The following MYBL2 variants were observed in gnomAD, a reference collection of about 807,000 sequenced individuals.
The protein encoded by MYBL2 is MYB proto-oncogene like 2.
A neutral mutation model predicts 79.9 loss-of-function variants in MYBL2; 28 were observed. That is an observed-to-expected ratio of 0.35 (90% CI 0.26 to 0.48). MYBL2 has a LOEUF of 0.48. Among genes scored for constraint, MYBL2 ranks in the 20% least tolerant of loss-of-function variants. MYBL2 has a pLI of 0.99. For synonymous variants in MYBL2, 378 were observed against 361.2 expected, an observed-to-expected ratio of 1.05 and a Z score of -0.53; for missense variants, 735 against 893.9, an observed-to-expected ratio of 0.82 and a Z score of 2.27.
intron 8 of MYBL2, 66 bp from the exon 9 acceptor site, chr20:43,705,153 C>T: frequency 6.3e-7 from 1 of 1,575,240 alleles, no homozygotes. Flanking sequence ...CCCATGATCC[C>T]CTGAGGTCTC....
In MYBL2 at chr20:43,699,838, A is replaced by G. The variant is rs1481379453; in HGVS notation, c.745A>G (p.Thr249Ala). 2 of 1,614,052 alleles carry G rather than the reference A, an allele frequency of 1.2e-6. No individual in the cohort carries two copies. Among genetic ancestry groups the G allele is most frequent in the Non-Finnish European group, 1.7e-6 (2 of 1,180,030 alleles). Residue 249 changes from threonine to alanine, a missense_variant, in exon 7 of 14, where the codon ACC becomes GCC. Transcript: ENST00000217026. Reference protein sequence around the residue: ...ENSEEELAAATTSKEQEPIGT... With the variant: ...ENSEEELAAAATSKEQEPIGT... ...CAGTGAGGAGGAACTTGCAGCAGCC[A>G]CCACATCGAAGGAACAGGAGCCCAT... is the stretch of plus-strand genomic sequence containing the variant.
In MYBL2 at chr20:43,673,791, C is replaced by T; in HGVS notation, c.21-15C>T. 6.4e-7 allele frequency: 1 copy of T among 1,571,986 alleles called. No individual in the cohort carries two copies. Among genetic ancestry groups the T allele is most frequent in the Non-Finnish European group, 8.6e-7 (1 of 1,157,436 alleles). On this transcript the variant is annotated splice_polypyrimidine_tract_variant and intron_variant, in intron 1 of 13. Transcript: ENST00000217026. Reference sequence around the variant, plus strand: ...GGACACACCATCCTTGACCCTTGGCCTGCTTTCCCCATAGCGAGGATCTGG... The same window carrying T: ...GGACACACCATCCTTGACCCTTGGCTTGCTTTCCCCATAGCGAGGATCTGG...
chr20:43,679,579 G>A (rs909679810), intron 2 of MYBL2, among the ~76,000 whole-genome samples: 11 of 152,082 alleles, frequency 7.2e-5, no homozygotes, highest in African/African-American at 2.7e-4. Flanking sequence ...GACCAGCTTG[G>A]AAAACATAGC....
At chr20:43,673,039 G>C (rs1600540710) in intron 1 of MYBL2, among the ~76,000 whole-genome samples, 1 of 152,044 alleles carries the variant, frequency 6.6e-6, no homozygotes, top group Non-Finnish European at 1.5e-5. Flanking sequence ...CACCTCCCGG[G>C]TTCAAGCAAT....
intron 1 of MYBL2, among the ~76,000 whole-genome samples, chr20:43,669,208 C>T (rs1986801967): frequency 6.6e-6 from 1 of 152,150 alleles, no homozygotes; most frequent in South Asian, 2.1e-4. Context: ...CACTATGTTA[C>T]CCAGGCTGGT....
At chr20:43,679,945 A>G (rs573827232) in intron 2 of MYBL2, among the ~76,000 whole-genome samples, 37 of 150,916 alleles carry the variant, frequency 2.5e-4, no homozygotes, top group African/African-American at 8.2e-4. Context: ...ACTGAAACTA[A>G]TTAAACATGA....
At chr20:43,714,428 A>G (rs1188119600) in intron 12 of MYBL2, among the ~76,000 whole-genome samples, 4 of 152,256 alleles carry the variant, frequency 2.6e-5, no homozygotes, top group South Asian at 2.1e-4. Context: ...ATGCTCAGTG[A>G]TACTCCACAT....
chr20:43,699,892 C>T lies in MYBL2; in HGVS notation c.799C>T (p.Pro267Ser), dbSNP rs765597063. The T allele has an allele frequency of 1.2e-6, 2 of 1,614,082 alleles. No homozygotes were observed. The highest frequency in any genetic ancestry group is 1.1e-5 in the South Asian group (1 of 91,066). The part of the protein sequence containing the change: ...IGTDLDAVRT[P>S]EPLEEFPKRE... Reference sequence around the variant, plus strand: ...TACAGATCTGGACGCAGTGCGAACACCAGAGCCCTTGGAGGAATTCCCGAA... The same window carrying T: ...TACAGATCTGGACGCAGTGCGAACATCAGAGCCCTTGGAGGAATTCCCGAA... The change falls in exon 7 of 14, where the codon CCA becomes TCA. Residue 267 changes from proline (P) to serine (S), a missense_variant. Physicochemically the swap from Pro to Ser is moderately conservative, Grantham distance 74. Coordinates refer to ENST00000217026, the MANE Select transcript of MYBL2 (RefSeq NM_002466.4).
intron 6 of MYBL2, 149 bp downstream of exon 6, chr20:43,692,468 C>A: frequency 2.2e-6 from 2 of 927,400 alleles, no homozygotes; most frequent in Non-Finnish European, 3.2e-6. Context: ...GAGACTTCTG[C>A]ACATAACTGG....
chr20:43,710,191 G>A (rs1209731239), intron 10 of MYBL2, 129 bp downstream of exon 10: 2 of 723,390 alleles, frequency 2.8e-6, no homozygotes, highest in Non-Finnish European at 4.3e-6. Context: ...AAGATGCAGA[G>A]ATCCTGATAA....
chr20:43,712,348 CTTGCCCGAGCTGGCACCCCA>C (rs1295211863), intron 11 of MYBL2, among the ~76,000 whole-genome samples: 1 of 152,174 alleles, frequency 6.6e-6, no homozygotes, highest in Non-Finnish European at 1.5e-5. Context: ...CTGGGCGGGA[CTTGCCCGAGCTGGCACCCCA>C]TGTGCACGTG....
chr20:43,681,715 C>A, intron 2 of MYBL2, 69 bp from the exon 3 acceptor site: 1 of 1,510,056 alleles, frequency 6.6e-7, no homozygotes, highest in Non-Finnish European at 9.2e-7. Context: ...AGATTGGGCT[C>A]TGTCACGGGC....
At chr20:43,676,083 T>A (rs947585027) in intron 2 of MYBL2, among the ~76,000 whole-genome samples, 4 of 152,000 alleles carry the variant, frequency 2.6e-5, no homozygotes, top group African/African-American at 9.7e-5. Context: ...TTTTGTATTT[T>A]TAGTAGAGAC....
chr20:43,678,865 AAAAAAAAAAG>A lies in MYBL2; in HGVS notation c.115-2911_115-2902del, dbSNP rs1277965262. 6.8e-4 allele frequency among the ~76,000 whole-genome samples: 91 copies of A among 133,670 alleles called. 2 individuals carry two copies. The highest frequency in any genetic ancestry group is 2.5e-3 in the African/African-American group (83 of 32,636). The allele number at this position is 133,670 out of a possible 152,430, so 87.7% of individuals were successfully genotyped here. A position where few individuals can be genotyped will look rare whatever the true frequency, so the allele number is the denominator to read the frequency against. ...AGAGCAAAACTCCGTCTCAAAAAAA[AAAAAAAAAAG>A]AAAAAAACATATAGAGCACAGGCTG... On this transcript the variant is annotated intron_variant, in intron 2 of 13. Coordinates refer to ENST00000217026, the MANE Select transcript of MYBL2 (RefSeq NM_002466.4).
rs1987290711 is a variant in MYBL2, at chr20:43,686,977, G to A, written c.405G>A (p.Lys135=). The A allele has an allele frequency of 6.2e-7, 1 of 1,614,184 alleles. No individual in the cohort carries two copies. The highest frequency in any genetic ancestry group is 2.2e-5 in the East Asian group (1 of 44,886). The change falls in exon 5 of 14, where the codon AAG becomes AAA. Residue 135 remains lysine, a synonymous_variant. Transcript: ENST00000217026. ...ACCACCTCAACCCTGAGGTGAAGAA[G>A]TCTTGCTGGACCGAGGAGGAGGACC... The part of the protein sequence containing the change: ...WHNHLNPEVK[K]SCWTEEEDRI...
chr20:43,699,621 A>G (rs1987634628), intron 6 of MYBL2, 136 bp from the exon 7 acceptor site: 1 of 951,400 alleles, frequency 1.1e-6, no homozygotes. Flanking sequence ...GGTATGGCTA[A>G]TTATTCTGTA....
rs536996015 is a variant in MYBL2, at chr20:43,700,765, T to C, written c.951+721T>C. On this transcript the variant is annotated intron_variant, in intron 7 of 13. Transcript: ENST00000217026. ...ACAGTCTGCGTGGTATCCTGTGAGG[T>C]GTGTCATTTCTGTTTTTTAGGTGAA... Among the ~76,000 whole-genome samples, 5 of 151,980 alleles carry C rather than the reference T, an allele frequency of 3.3e-5. No homozygotes were observed. In the South Asian group the frequency reaches 1.0e-3, roughly 32 times the overall value.
At chr20:43,691,461 A>G (rs1030408621) in intron 5 of MYBL2, among the ~76,000 whole-genome samples, 1 of 151,894 alleles carries the variant, frequency 6.6e-6, no homozygotes, top group African/African-American at 2.4e-5. Context: ...AGCTGGGATT[A>G]CAGGTGCCTG....
chr20:43,682,934 G>T, intron 4 of MYBL2, 48 bp downstream of exon 4: 1 of 1,534,054 alleles, frequency 6.5e-7, no homozygotes, highest in Non-Finnish European at 9.0e-7. Context: ...TCACCCACCA[G>T]TGTACCTGGG....
Sources: gnomAD v4.1 joint callset for allele counts (sites outside exome capture counted in the v4.1 genomes callset) on GRCh38, gnomAD v4.1.1 for gene constraint, MANE v1.5 for transcripts, NCBI Gene and HGNC (gene_info 2026-07-23, HGNC 2026-07-21) for gene names.